TENM2: variants seen among roughly 807,000 people sequenced by gnomAD.
TENM2 encodes teneurin-2.
A neutral mutation model predicts 245.2 loss-of-function variants in TENM2; 52 were observed. The ratio of observed to expected loss-of-function variants is 0.21; its 90% CI spans 0.17 to 0.27. The LOEUF (loss-of-function observed/expected upper bound fraction) is 0.27. Among genes scored for constraint, TENM2 ranks in the 10% least tolerant of loss-of-function variants. TENM2 has a pLI of 1.00. For synonymous variants in TENM2, 1,363 were observed against 1,438.9 expected, an observed-to-expected ratio of 0.95 and a Z score of 1.19; for missense variants, 3,046 against 3,666.8, an observed-to-expected ratio of 0.83 and a Z score of 4.37.
intron 2 of TENM2, among the ~76,000 whole-genome samples, chr5:167,623,886 G>A (rs1778337141): frequency 6.6e-6 from 1 of 152,106 alleles, no homozygotes; most frequent in Admixed American, 6.6e-5. Context: ...TCTCACACCA[G>A]TCAGAATGGC....
intron 3 of TENM2, among the ~76,000 whole-genome samples, chr5:167,933,678 A>G (rs1475678789): frequency 2.0e-5 from 3 of 152,070 alleles, no homozygotes; most frequent in Admixed American, 2.0e-4. Context: ...GAAAAAAAAA[A>G]AGGCACATTC....
chr5:167,588,861 T>G (rs1775686380), intron 2 of TENM2, among the ~76,000 whole-genome samples: 1 of 152,172 alleles, frequency 6.6e-6, no homozygotes, highest in Non-Finnish European at 1.5e-5. Flanking sequence ...ATTCATCTTG[T>G]CTGTTTATTC....
At chr5:167,465,582 C>T (rs998218306) in intron 2 of TENM2, among the ~76,000 whole-genome samples, 21 of 152,322 alleles carry the variant, frequency 1.4e-4, no homozygotes, top group East Asian at 3.9e-4. Flanking sequence ...GTAATCCCAG[C>T]GCTTTGGGAG....
In TENM2 at chr5:168,004,512, C is replaced by CGT. The variant is rs1336578016; in HGVS notation, c.1186+11331_1186+11332insTG. On this transcript the variant is annotated intron_variant, in intron 5 of 28. Coordinates refer to ENST00000518659, the Ensembl canonical transcript of TENM2. ...CCCATTTGGGATGCACGCATGCGCG[C>CGT]GCGCGCACACACACACACACACACA... Among the ~76,000 whole-genome samples the CGT allele has an allele frequency of 2.3e-3, 181 of 77,158 alleles. 1 individual carries two copies. Among genetic ancestry groups the CGT allele is most frequent in the East Asian group, 7.4e-4 (1 of 1,354 alleles). 50.6% of individuals were successfully genotyped at this position (77,158 alleles called of 152,430 possible). A position where few individuals can be genotyped will look rare whatever the true frequency, so the allele number is the denominator to read the frequency against.
At chr5:167,292,595 G>T (rs775258561) in intron 1 of TENM2, among the ~76,000 whole-genome samples, 1 of 152,090 alleles carries the variant, frequency 6.6e-6, no homozygotes, top group Admixed American at 6.5e-5. Context: ...TTTAAAACAC[G>T]GCCTTATTTT....
chr5:167,092,123 T>C, the TENM2 span, among the ~76,000 whole-genome samples: 1,034 of 152,234 alleles, frequency 6.8e-3, 10 homozygotes, highest in African/African-American at 0.023. Context: ...GCCCCCTGTT[T>C]TTGTGTGGTC....
intron 2 of TENM2, among the ~76,000 whole-genome samples, chr5:167,435,920 T>C (rs1764522167): frequency 6.6e-6 from 1 of 151,726 alleles, no homozygotes; most frequent in African/African-American, 2.4e-5. Flanking sequence ...AACTTTGAAC[T>C]TGAGAGAGAT....
the TENM2 span, among the ~76,000 whole-genome samples, chr5:167,258,948 G>T: frequency 6.6e-6 from 1 of 152,156 alleles, no homozygotes; most frequent in African/African-American, 2.4e-5. Context: ...TTATGTATGG[G>T]AGAAAATATG....
chr5:168,253,688 G>A (rs1245979871), intron 27 of TENM2, among the ~76,000 whole-genome samples: 2 of 152,098 alleles, frequency 1.3e-5, no homozygotes, highest in Non-Finnish European at 2.9e-5. Context: ...GCCTCCCAAA[G>A]TGCTGGGATT....
the TENM2 span, among the ~76,000 whole-genome samples, chr5:167,279,119 A>G: frequency 1.3e-5 from 2 of 152,080 alleles, no homozygotes; most frequent in Non-Finnish European, 2.9e-5. Flanking sequence ...AATGACCTCC[A>G]TGGTTTCTGA....
chr5:167,628,780 C>G (rs1778681113), intron 2 of TENM2, among the ~76,000 whole-genome samples: 1 of 152,154 alleles, frequency 6.6e-6, no homozygotes, highest in East Asian at 1.9e-4. Flanking sequence ...TTTAAGAATA[C>G]CTTGCAGTTG....
In TENM2 at chr5:168,247,564, G is replaced by A. The variant is rs756812300; in HGVS notation, c.6625G>A (p.Gly2209Arg). Residue 2209 changes from glycine to arginine, a missense_variant, in exon 27 of 29, where the codon GGG becomes AGG. Gly to Arg is a moderately radical substitution (Grantham distance 125, BLOSUM62 -2). Coordinates refer to ENST00000518659, the Ensembl canonical transcript of TENM2. This position sits in a 1 kb window ranked among gnomAD's most constrained non-coding sequence, Gnocchi z 7.8. ...GTACACCTATGACTACGATGGGGACGGGCAGCTCCAGAGCGTGGCCGTCAA... is the reference window on the plus strand; with the variant it reads ...GTACACCTATGACTACGATGGGGACAGGCAGCTCCAGAGCGTGGCCGTCAA... The A allele has an allele frequency of 5.0e-6, 8 of 1,612,606 alleles. No individual in the cohort carries two copies. Among genetic ancestry groups the A allele is most frequent in the African/African-American group, 4.0e-5 (3 of 74,892 alleles).
At chr5:168,236,967 T>C (rs1562318783) in intron 25 of TENM2, among the ~76,000 whole-genome samples, 26 of 5,302 alleles carry the variant, frequency 4.9e-3, no homozygotes, top group Non-Finnish European at 8.1e-3. Context: ...TATATATATA[T>C]ATATATATAT....
chr5:167,293,288 G>A (rs1016884593), intron 1 of TENM2, among the ~76,000 whole-genome samples: 4 of 151,916 alleles, frequency 2.6e-5, no homozygotes, highest in Non-Finnish European at 4.4e-5. Flanking sequence ...AGCAATCTCC[G>A]CCTCCCAGGT....
chr5:167,684,338 C>T (rs1185309257), intron 2 of TENM2, among the ~76,000 whole-genome samples: 1 of 152,180 alleles, frequency 6.6e-6, no homozygotes, highest in African/African-American at 2.4e-5. Flanking sequence ...GAGGCTTTTG[C>T]ATTCTGGAGA....
chr5:167,077,703 G>C, the TENM2 span, among the ~76,000 whole-genome samples: 8 of 152,104 alleles, frequency 5.3e-5, no homozygotes, highest in Non-Finnish European at 1.2e-4. Flanking sequence ...ACTACCATTG[G>C]GTTGTGGATT....
chr5:167,748,140 T>G (rs1316372869), intron 2 of TENM2, among the ~76,000 whole-genome samples: 3 of 152,216 alleles, frequency 2.0e-5, no homozygotes, highest in Non-Finnish European at 4.4e-5. Flanking sequence ...CCTGTAGTCA[T>G]TAACAGAAAT....
intron 3 of TENM2, among the ~76,000 whole-genome samples, chr5:167,913,619 C>T (rs573350174): frequency 1.3e-5 from 2 of 152,228 alleles, no homozygotes; most frequent in African/African-American, 4.8e-5. Flanking sequence ...AATCTGAAAC[C>T]GAGATAGACA....
chr5:167,121,305 CAA>C, the TENM2 span, among the ~76,000 whole-genome samples: 1 of 151,988 alleles, frequency 6.6e-6, no homozygotes, highest in Admixed American at 6.5e-5. Context: ...TGATGGGAAA[CAA>C]ATAAAACCTG....
Sources: gnomAD v4.1 joint callset for allele counts (sites outside exome capture counted in the v4.1 genomes callset) on GRCh38, gnomAD v4.1.1 for gene constraint, Gnocchi (gnomAD v3.1) non-coding constraint, MANE v1.5 for transcripts, NCBI Gene and HGNC (gene_info 2026-07-23, HGNC 2026-07-21) for gene names.